DLGAP2: variants seen among roughly 807,000 people sequenced by gnomAD.
The protein encoded by DLGAP2 is DLG associated protein 2.
DLGAP2 carries 26 observed loss-of-function variants against 100.3 expected under a neutral mutation model. The ratio of observed to expected loss-of-function variants is 0.26; its 90% CI spans 0.19 to 0.36. DLGAP2 has a LOEUF of 0.36. DLGAP2 is among the 10% of genes least tolerant of loss of function. The pLI is 1.00. For missense variants in DLGAP2, 1,858 were observed against 1,453.2 expected (o/e 1.28, Z -4.53); for synonymous variants, 886 against 630.1 (o/e 1.41, Z -6.08).
In DLGAP2 at chr8:1,203,403, G is replaced by A. The variant is rs908516809; in HGVS notation, c.74-55448G>A. Among the ~76,000 whole-genome samples, 52 of 151,854 alleles carry A rather than the reference G, an allele frequency of 3.4e-4. 1 individual carries two copies. Among genetic ancestry groups the A allele is most frequent in the Admixed American group, 1.1e-3 (17 of 15,260 alleles). On this transcript the variant is annotated intron_variant, in intron 2 of 14. Coordinates refer to ENST00000637795, the MANE Select transcript of DLGAP2 (RefSeq NM_001346810.2). ...TCGGTGACGAGGCCGCCCACCCTTC[G>A]GTGTTAGAACCCATGAGACTGATGA... is the stretch of plus-strand genomic sequence containing the variant.
At chr8:768,376 G>A (rs201827878) in intron 1 of DLGAP2, among the ~76,000 whole-genome samples, 6 of 151,566 alleles carry the variant, frequency 4.0e-5, no homozygotes, top group East Asian at 3.9e-4. Context: ...TTTCGCTGTG[G>A]GCTTGTATGG....
chr8:773,017 C>G (rs991102584), intron 1 of DLGAP2, among the ~76,000 whole-genome samples: 2 of 152,152 alleles, frequency 1.3e-5, no homozygotes, highest in African/African-American at 4.8e-5. Flanking sequence ...CATGGACACA[C>G]TTGTTTATGC....
In DLGAP2 at chr8:973,684, C is replaced by T. The variant is rs1403586342; in HGVS notation, c.73+65718C>T. Reference sequence around the variant, plus strand: ...AGCCTCTGCTTTTTCTCAGTTCCAGCTCCTTTCTCTTTCACGGTACCTCAG... The same window carrying T: ...AGCCTCTGCTTTTTCTCAGTTCCAGTTCCTTTCTCTTTCACGGTACCTCAG... On this transcript the variant is annotated intron_variant, in intron 2 of 14. Coordinates refer to ENST00000637795, the MANE Select transcript of DLGAP2 (RefSeq NM_001346810.2). Among the ~76,000 whole-genome samples the T allele has an allele frequency of 2.6e-5, 4 of 152,374 alleles. No individual in the cohort carries two copies. In the East Asian group the frequency reaches 5.8e-4, roughly 22 times the overall value.
At chr8:1,530,972 T>C (rs895999556) in intron 4 of DLGAP2, among the ~76,000 whole-genome samples, 1 of 152,242 alleles carries the variant, frequency 6.6e-6, no homozygotes, top group African/African-American at 2.4e-5. Context: ...CATTTTTGGA[T>C]TCCATATATA....
chr8:1,106,023 A>T (rs571720323), intron 2 of DLGAP2, among the ~76,000 whole-genome samples: 1 of 146,022 alleles, frequency 6.8e-6, no homozygotes, highest in Non-Finnish European at 1.5e-5. Flanking sequence ...GAGCCATTCT[A>T]GGAGGATTTT....
At chr8:1,410,931 A>G (rs1190163953) in intron 3 of DLGAP2, among the ~76,000 whole-genome samples, 1 of 149,740 alleles carries the variant, frequency 6.7e-6, no homozygotes, top group Non-Finnish European at 1.5e-5. Context: ...TTACTTCTCT[A>G]TTTAAGAGAT....
intron 2 of DLGAP2, among the ~76,000 whole-genome samples, chr8:1,233,916 T>C (rs1798589381): frequency 6.6e-6 from 1 of 152,182 alleles, no homozygotes; most frequent in Non-Finnish European, 1.5e-5. Flanking sequence ...ATTGTAATGG[T>C]ATTAATGACA....
intron 1 of DLGAP2, among the ~76,000 whole-genome samples, chr8:741,585 T>G (rs1330463578): frequency 1.3e-5 from 2 of 152,186 alleles, no homozygotes; most frequent in Non-Finnish European, 2.9e-5. Flanking sequence ...GTCAGTTGCC[T>G]TAGTTCTGGA....
chr8:1,345,808 A>C (rs1484568902), intron 3 of DLGAP2, among the ~76,000 whole-genome samples: 1 of 152,154 alleles, frequency 6.6e-6, no homozygotes, highest in Non-Finnish European at 1.5e-5. Context: ...TGTAACACCT[A>C]CCTCAGCATT....
chr8:993,607 T>C (rs957872413), intron 2 of DLGAP2, among the ~76,000 whole-genome samples: 2 of 152,124 alleles, frequency 1.3e-5, no homozygotes, highest in African/African-American at 4.8e-5. Flanking sequence ...CTATTGCTGA[T>C]GCCTGGTGTG....
chr8:1,492,771 G>A (rs1001275878), intron 3 of DLGAP2, among the ~76,000 whole-genome samples: 2 of 152,212 alleles, frequency 1.3e-5, no homozygotes, highest in African/African-American at 4.8e-5. Flanking sequence ...GATTTTGCGT[G>A]AAGACCTGTG....
At chr8:766,614 C>A (rs570646455) in intron 1 of DLGAP2, among the ~76,000 whole-genome samples, 2 of 152,126 alleles carry the variant, frequency 1.3e-5, no homozygotes, top group Non-Finnish European at 2.9e-5. Flanking sequence ...TGGGCAAGCA[C>A]GCACATGCAT....
At chr8:1,195,438 A>G (rs1488519339) in intron 2 of DLGAP2, among the ~76,000 whole-genome samples, 1 of 152,238 alleles carries the variant, frequency 6.6e-6, no homozygotes, top group Non-Finnish European at 1.5e-5. Flanking sequence ...TAAATGGGAA[A>G]CAGGCTGCAC....
intron 3 of DLGAP2, among the ~76,000 whole-genome samples, chr8:1,280,201 T>A (rs555871868): frequency 2.8e-4 from 43 of 152,140 alleles, no homozygotes; most frequent in South Asian, 6.3e-4. Context: ...GCCTCTGGGG[T>A]TTCTTCTTCA....
chr8:1,414,676 C>T (rs560907570), intron 3 of DLGAP2, among the ~76,000 whole-genome samples: 8 of 126,142 alleles, frequency 6.3e-5, no homozygotes, highest in East Asian at 3.4e-4. Flanking sequence ...CTGCCCTCAG[C>T]GTGTCTTGCC....
intron 2 of DLGAP2, among the ~76,000 whole-genome samples, chr8:1,034,663 G>A (rs1446188917): frequency 1.5e-4 from 4 of 27,080 alleles, no homozygotes; most frequent in Non-Finnish European, 2.8e-4. Context: ...TCCCGACCCC[G>A]CGTGTCACCG....
chr8:1,305,091 C>T (rs889566312), intron 3 of DLGAP2, among the ~76,000 whole-genome samples: 1 of 152,216 alleles, frequency 6.6e-6, no homozygotes, highest in African/African-American at 2.4e-5. Context: ...CTCTCAGAAG[C>T]ACCAGAGTAG....
chr8:1,209,195 G>T lies in DLGAP2; in HGVS notation c.74-49656G>T, dbSNP rs148898119. Among the ~76,000 whole-genome samples the T allele has an allele frequency of 5.2e-3, 792 of 152,178 alleles. 8 individuals are homozygous for T. Among genetic ancestry groups the T allele is most frequent in the African/African-American group, 0.018 (753 of 41,516 alleles). ...CCAAAAAAGAGCCTGCATAGCCAAA[G>T]CAAGACTAAGCAAAAAGAACGAATC... On this transcript the variant is annotated intron_variant, in intron 2 of 14. Transcript: ENST00000637795.
intron 2 of DLGAP2, among the ~76,000 whole-genome samples, chr8:1,210,547 C>G (rs1341981260): frequency 1.3e-5 from 2 of 152,214 alleles, no homozygotes; most frequent in Non-Finnish European, 2.9e-5. Context: ...AAGCACAGCA[C>G]AGGCCCACTG....
Sources: allele counts gnomAD v4.1 joint callset (sites outside exome capture counted in the v4.1 genomes callset), GRCh38; gene constraint gnomAD v4.1.1; transcripts MANE v1.5; gene names NCBI Gene and HGNC (gene_info 2026-07-23, HGNC 2026-07-21).